Variants in ARFGEF1 observed in about 807,000 individuals in gnomAD.
ARFGEF1 encodes brefeldin A-inhibited guanine nucleotide-exchange protein 1.
Under a neutral mutation model 231.0 loss-of-function variants are expected in ARFGEF1, and 42 were observed. The ratio of observed to expected loss-of-function variants is 0.18; its 90% CI spans 0.14 to 0.24. The LOEUF (loss-of-function observed/expected upper bound fraction) is 0.24. Among genes scored for constraint, ARFGEF1 ranks in the 10% least tolerant of loss-of-function variants. The pLI is 1.00. For synonymous variants in ARFGEF1, 710 were observed against 732.3 expected (o/e 0.97, Z 0.49); for missense variants, 1,345 against 2,192.0 (o/e 0.61, Z 7.72).
At chr8:67,281,749 A>G (rs1805545323) in intron 7 of ARFGEF1, among the ~76,000 whole-genome samples, 1 of 152,144 alleles carries the variant, frequency 6.6e-6, no homozygotes, top group Non-Finnish European at 1.5e-5. Flanking sequence ...ATAGGAGATA[A>G]ATATGGAAAA....
Position 67,291,921 on chromosome 8 carries a change from T to C in ARFGEF1, c.842A>G (p.Glu281Gly). Residue 281 changes from glutamate to glycine, a missense_variant, in exon 6 of 39, where the codon GAG (glutamate) becomes GGG (glycine). Physicochemically the swap from Glu to Gly is moderately conservative, Grantham distance 98. This residue lies in a region of ARFGEF1 where 398 missense variants were observed against 463.2 expected (regional missense o/e 0.86). Coordinates refer to ENST00000262215, the MANE Select transcript of ARFGEF1 (RefSeq NM_006421.5). ...GGAAATATCAGATCCATTTTCAGGC[T>C]CTGTGTCATCCTGAAGACTTTTATC... ...DVDKSLQDDT[E>G]PENGSDISSA... 1 of 1,614,014 alleles carries C rather than the reference T, an allele frequency of 6.2e-7. No individual in the cohort carries two copies. The highest frequency in any genetic ancestry group is 8.5e-7 in the Non-Finnish European group (1 of 1,179,910).
chr8:67,272,855 C>T (rs1293827065), intron 9 of ARFGEF1, among the ~76,000 whole-genome samples: 1 of 152,066 alleles, frequency 6.6e-6, no homozygotes, highest in Non-Finnish European at 1.5e-5. Context: ...TGCCTGTAAT[C>T]CCAGCACTTT....
intron 1 of ARFGEF1, among the ~76,000 whole-genome samples, chr8:67,338,609 T>C (rs1808455898): frequency 6.6e-6 from 1 of 152,222 alleles, no homozygotes; most frequent in Non-Finnish European, 1.5e-5. Flanking sequence ...CTCTAAGAAC[T>C]TGTACTCTGC....
chr8:67,253,581 A>T lies in ARFGEF1; in HGVS notation c.2568T>A (p.Asn856Lys). Residue 856 changes from asparagine to lysine, a missense_variant, in exon 18 of 39, where the codon AAT becomes AAA. By Grantham distance (94) the Asn-to-Lys change is moderately conservative. This residue lies in a region of ARFGEF1 where 58 missense variants were observed against 133.6 expected (regional missense o/e 0.43). Transcript: ENST00000262215. Reference sequence around the variant, plus strand: ...GGTCTTTACTGTCATTGATACCTCTATTCATCTTAATGTATTGTTCCTTTG... The same window carrying T: ...GGTCTTTACTGTCATTGATACCTCTTTTCATCTTAATGTATTGTTCCTTTG... ...KMTKEQYIKM[N>K]RGINDSKDLP... 2 of 1,571,004 alleles carry T rather than the reference A, an allele frequency of 1.3e-6. No homozygotes were observed. The highest frequency in any genetic ancestry group is 1.7e-6 in the Non-Finnish European group (2 of 1,147,274).
intron 7 of ARFGEF1, among the ~76,000 whole-genome samples, chr8:67,280,327 G>C (rs1356534234): frequency 6.6e-6 from 1 of 152,198 alleles, no homozygotes; most frequent in Non-Finnish European, 1.5e-5. Context: ...TTTGATCACT[G>C]CCTGCTAATT....
chr8:67,231,307 T>C (rs1839544926), intron 23 of ARFGEF1, among the ~76,000 whole-genome samples: 1 of 152,114 alleles, frequency 6.6e-6, no homozygotes, highest in Admixed American at 6.6e-5. Flanking sequence ...AAGCAAAAAC[T>C]TGCAATACTG....
chr8:67,301,479 T>G (rs1806486945), intron 2 of ARFGEF1, 99 bp from the exon 3 acceptor site: 1 of 1,307,116 alleles, frequency 7.7e-7, no homozygotes, highest in Non-Finnish European at 1.0e-6. Context: ...AAAGGAATCT[T>G]GCTAAACCAG....
rs1043270471 is a variant in ARFGEF1, at chr8:67,343,437, G to C, written c.-150C>G. On this transcript the variant is annotated 5_prime_UTR_variant, in exon 1 of 39. Transcript: ENST00000262215. ...GGAGGGCAGCGGCAGGATCAGGAAG[G>C]GGCGGGCGAGCGGGACCAGCCGCGG... 7.2e-7 allele frequency: 1 copy of C among 1,387,796 alleles called. No homozygotes were observed. The highest frequency in any genetic ancestry group is 9.4e-7 in the Non-Finnish European group (1 of 1,067,170). The allele number at this position is 1,387,796 out of a possible 1,614,324, so 86.0% of individuals were successfully genotyped here. A position where few individuals can be genotyped will look rare whatever the true frequency, so the allele number is the denominator to read the frequency against.
intron 1 of ARFGEF1, among the ~76,000 whole-genome samples, chr8:67,308,012 C>A (rs1345949999): frequency 1.3e-5 from 2 of 152,218 alleles, no homozygotes; most frequent in African/African-American, 4.8e-5. Flanking sequence ...GAAGCCCAAG[C>A]CACTTGGAGG....
At position 67,251,452 on chromosome 8, in the gene ARFGEF1, T is replaced by C; in HGVS notation, c.2699-2A>G. On this transcript the variant is annotated splice_acceptor_variant, in intron 18 of 38. Transcript: ENST00000262215. LOFTEE classifies it high-confidence loss of function. ...TTCTTTGTTTTTCACTGGCTACATC[T>C]GAAACAATAAACACTATCAGCATTT... The C allele has an allele frequency of 6.3e-7, 1 of 1,594,530 alleles. No homozygotes were observed. The highest frequency in any genetic ancestry group is 8.5e-7 in the Non-Finnish European group (1 of 1,172,204).
At chr8:67,333,332 CTTTTTTTTT>C (rs35291856) in intron 1 of ARFGEF1, among the ~76,000 whole-genome samples, 1 of 142,108 alleles carries the variant, frequency 7.0e-6, no homozygotes, top group Non-Finnish European at 1.5e-5. Flanking sequence ...CATGCCTGGC[CTTTTTTTTT>C]TTTTTTGAGA....
Position 67,266,992 on chromosome 8 carries a change from G to A in ARFGEF1, c.1813-8C>T, listed in dbSNP as rs776224443. The A allele has an allele frequency of 1.2e-5, 19 of 1,609,970 alleles. No homozygotes were observed. The East Asian group carries it at 3.4e-4, about 28-fold the overall frequency. ...TTTCCTCAGGCTCAATTCCTACAAAGTAATTCAAAAACAAAATTTTTTTTA... is the reference window on the plus strand; with the variant it reads ...TTTCCTCAGGCTCAATTCCTACAAAATAATTCAAAAACAAAATTTTTTTTA... On this transcript the variant is annotated splice_polypyrimidine_tract_variant and splice_region_variant and intron_variant, in intron 12 of 38. Transcript: ENST00000262215.
At chr8:67,261,830 CTT>C (rs34170422) in intron 14 of ARFGEF1, among the ~76,000 whole-genome samples, 446 of 117,960 alleles carry the variant, frequency 3.8e-3, no homozygotes, top group African/African-American at 0.011. Context: ...AATTTCAAGT[CTT>C]TTTTTTTTTT....
chr8:67,312,513 C>CAGATGA (rs1807120699), intron 1 of ARFGEF1, among the ~76,000 whole-genome samples: 1 of 151,970 alleles, frequency 6.6e-6, no homozygotes, highest in South Asian at 2.1e-4. Context: ...AAGATCTTCT[C>CAGATGA]AGATGAAGGA....
chr8:67,302,432 A>C lies in ARFGEF1; in HGVS notation c.155+4T>G. 1 of 1,570,476 alleles carries C rather than the reference A, an allele frequency of 6.4e-7. No individual in the cohort carries two copies. The highest frequency in any genetic ancestry group is 8.6e-7 in the Non-Finnish European group (1 of 1,162,874). On this transcript the variant is annotated splice_donor_region_variant and intron_variant, in intron 2 of 38. Transcript: ENST00000262215. ...TTTTACTAAAGAAAAGAAATCCCAC[A>C]AACCTCTGTTTTTCAGTTTCCGCTT...
chr8:67,284,466 A>T (rs1422139869), intron 7 of ARFGEF1, among the ~76,000 whole-genome samples: 11 of 152,188 alleles, frequency 7.2e-5, no homozygotes, highest in Admixed American at 7.2e-4. Flanking sequence ...CTTCATATTT[A>T]AAAAAACGAA....
chr8:67,310,023 C>T (rs1022406832), intron 1 of ARFGEF1, among the ~76,000 whole-genome samples: 2 of 152,168 alleles, frequency 1.3e-5, no homozygotes, highest in Non-Finnish European at 2.9e-5. Flanking sequence ...TATACACAAA[C>T]CTATAGATTC....
intron 9 of ARFGEF1, among the ~76,000 whole-genome samples, chr8:67,272,870 G>A (rs1045518480): frequency 3.3e-5 from 5 of 152,116 alleles, no homozygotes; most frequent in African/African-American, 1.2e-4. Context: ...CACTTTGAGA[G>A]GCTGAGGCAG....
rs1840228631 is a variant in ARFGEF1, at chr8:67,250,039, C to A, written c.2850+1260G>T. ...AAAATAATTTAAGATGTTCTAGAAACCAAAAGAATGCTGGTGTGAGTGCAG... is the reference window on the plus strand; with the variant it reads ...AAAATAATTTAAGATGTTCTAGAAAACAAAAGAATGCTGGTGTGAGTGCAG... On this transcript the variant is annotated intron_variant, in intron 19 of 38. Coordinates refer to ENST00000262215, the MANE Select transcript of ARFGEF1 (RefSeq NM_006421.5). Among the ~76,000 whole-genome samples, 6 of 152,108 alleles carry A rather than the reference C, an allele frequency of 3.9e-5. No individual in the cohort carries two copies. The South Asian group carries it at 1.2e-3, about 32-fold the overall frequency.
Sources: gnomAD v4.1 joint callset for allele counts (sites outside exome capture counted in the v4.1 genomes callset) on GRCh38, gnomAD v4.1.1 for gene constraint, gnomAD v4.1.1 regional missense constraint, MANE v1.5 for transcripts, NCBI Gene and HGNC (gene_info 2026-07-23, HGNC 2026-07-21) for gene names.